Variants in STK3 observed in about 807,000 individuals in gnomAD.
The protein encoded by STK3 is serine/threonine kinase 3.
A neutral mutation model predicts 58.0 loss-of-function variants in STK3; 41 were observed. That is an observed-to-expected ratio of 0.71 (90% CI 0.55 to 0.92). The LOEUF is 0.92. Ranked by LOEUF, STK3 falls within the 40% of genes least tolerant of loss-of-function variation. The pLI is 0.00. For synonymous variants in STK3, 170 were observed against 191.0 expected (o/e 0.89, Z 0.91); for missense variants, 479 against 602.7 (o/e 0.79, Z 2.15).
At chr8:98,400,850 C>G (rs1194078345), downstream of STK3, among the ~76,000 whole-genome samples, 1 of 152,132 alleles carries the variant, frequency 6.6e-6, no homozygotes, top group Non-Finnish European at 1.5e-5. Flanking sequence ...TGCCCCTCAA[C>G]ATCTGTGAAA....
At chr8:98,387,873 CTT>C (rs548274056) in intron 1 of STK3, among the ~76,000 whole-genome samples, 17 of 134,966 alleles carry the variant, frequency 1.3e-4, no homozygotes, top group East Asian at 2.1e-4. Context: ...GTAAAATGCC[CTT>C]TTTTTTTTTT....
At chr8:98,892,142 C>A (rs1838223602) in intron 1 of STK3, among the ~76,000 whole-genome samples, 1 of 152,170 alleles carries the variant, frequency 6.6e-6, no homozygotes, top group Non-Finnish European at 1.5e-5. Flanking sequence ...GGAGTATTTC[C>A]ATCCCAGTCA....
In STK3 at chr8:98,558,939, G is replaced by A. The variant is rs1355124796; in HGVS notation, c.949-10778C>T. 3.3e-5 allele frequency among the ~76,000 whole-genome samples: 5 copies of A among 152,034 alleles called. No individual in the cohort carries two copies. The South Asian group carries it at 8.3e-4, about 25-fold the overall frequency. On this transcript the variant is annotated intron_variant, in intron 8 of 10. Coordinates refer to ENST00000419617, the MANE Select transcript of STK3 (RefSeq NM_006281.4). ...AGAAGACTACTTGAAACATGCTAAA[G>A]TAACAATATTGATTTTAACATACAG...
chr8:98,890,539 G>A (rs781318038), intron 1 of STK3, among the ~76,000 whole-genome samples: 25 of 152,138 alleles, frequency 1.6e-4, no homozygotes, highest in Non-Finnish European at 2.9e-4. Flanking sequence ...CTGCTACTCT[G>A]TTATTAGAAG....
chr8:98,934,986 A>G (rs1840144776), intron 1 of STK3, among the ~76,000 whole-genome samples: 1 of 152,122 alleles, frequency 6.6e-6, no homozygotes, highest in African/African-American at 2.4e-5. Context: ...AAGCCTAGAC[A>G]TCCTATGGCT....
intron 6 of STK3, among the ~76,000 whole-genome samples, chr8:98,685,496 C>A (rs779072091): frequency 6.6e-6 from 1 of 152,002 alleles, no homozygotes; most frequent in African/African-American, 2.4e-5. Flanking sequence ...TCTGACAAGA[C>A]AAAAATATGT....
chr8:98,895,061 T>C (rs1838396117), intron 1 of STK3, among the ~76,000 whole-genome samples: 8 of 152,126 alleles, frequency 5.3e-5, no homozygotes, highest in Admixed American at 5.2e-4. Context: ...CAAAATGGCA[T>C]GGGAACTCAG....
chr8:98,375,274 A>AAAC (rs1817661785), intron 2 of STK3, among the ~76,000 whole-genome samples: 1 of 143,006 alleles, frequency 7.0e-6, no homozygotes, highest in African/African-American at 2.9e-5. Flanking sequence ...AAAAAAACAA[A>AAAC]AAAAAACAAA....
intron 8 of STK3, among the ~76,000 whole-genome samples, chr8:98,556,326 CA>C (rs1811583935): frequency 6.6e-6 from 1 of 152,090 alleles, no homozygotes; most frequent in Non-Finnish European, 1.5e-5. Flanking sequence ...CCTCAACTCA[CA>C]CCATTCTCAG....
upstream of STK3, among the ~76,000 whole-genome samples, chr8:98,390,616 G>T (rs1334780034): frequency 1.3e-5 from 2 of 151,148 alleles, no homozygotes; most frequent in African/African-American, 4.9e-5. Flanking sequence ...GTTTTTTTTT[G>T]TTTTTTGTTT....
intron 6 of STK3, among the ~76,000 whole-genome samples, chr8:98,698,291 C>T (rs576955577): frequency 0.038 from 5,698 of 151,688 alleles, 159 homozygotes; most frequent in Non-Finnish European, 0.053. Flanking sequence ...GAATACAGCA[C>T]ACTGATGGGT....
intron 10 of STK3, among the ~76,000 whole-genome samples, chr8:98,513,048 A>G (rs1465709516): frequency 1.3e-5 from 2 of 152,218 alleles, no homozygotes; most frequent in Non-Finnish European, 2.9e-5. Context: ...GTAGAGAAAG[A>G]AACATGAAAT....
chr8:98,861,628 G>A (rs181595577), intron 3 of STK3, among the ~76,000 whole-genome samples: 130 of 152,240 alleles, frequency 8.5e-4, no homozygotes, highest in Non-Finnish European at 1.5e-3. Flanking sequence ...GATTACAGGC[G>A]TGAGCCACCA....
the STK3 span, among the ~76,000 whole-genome samples, chr8:98,359,623 G>A: frequency 3.3e-5 from 5 of 152,064 alleles, no homozygotes; most frequent in African/African-American, 1.2e-4. Flanking sequence ...CACTGCAATA[G>A]TCTCCTAATG....
At chr8:98,734,897 G>A (rs898082894) in intron 4 of STK3, among the ~76,000 whole-genome samples, 8 of 150,028 alleles carry the variant, frequency 5.3e-5, no homozygotes, top group African/African-American at 1.7e-4. Context: ...AGTCACAGAA[G>A]GCCTATGGTT....
intron 4 of STK3, among the ~76,000 whole-genome samples, chr8:98,743,960 G>A (rs1829446703): frequency 6.6e-6 from 1 of 152,124 alleles, no homozygotes; most frequent in Non-Finnish European, 1.5e-5. Context: ...CATTTATGCA[G>A]CCAAAAAACA....
downstream of STK3, among the ~76,000 whole-genome samples, chr8:98,452,918 G>A (rs1486536261): frequency 1.4e-5 from 2 of 148,114 alleles, no homozygotes; most frequent in South Asian, 2.1e-4. Flanking sequence ...CTGCTACCAC[G>A]ATCAGCTAAT....
chr8:98,701,061 C>T (rs1453425848), intron 6 of STK3, among the ~76,000 whole-genome samples: 7 of 151,654 alleles, frequency 4.6e-5, no homozygotes, highest in East Asian at 1.9e-4. Context: ...TCCAGGTATT[C>T]GAGAGGCTGA....
intron 3 of STK3, among the ~76,000 whole-genome samples, chr8:98,841,179 T>C (rs991450488): frequency 1.3e-5 from 2 of 152,236 alleles, no homozygotes; most frequent in South Asian, 4.1e-4. Context: ...TATTATTTTT[T>C]TCTCTGTTCT....
Sources: gnomAD v4.1 joint callset for allele counts (sites outside exome capture counted in the v4.1 genomes callset) on GRCh38, gnomAD v4.1.1 for gene constraint, MANE v1.5 for transcripts, NCBI Gene and HGNC (gene_info 2026-07-23, HGNC 2026-07-21) for gene names.